The following RALYL variants were observed in gnomAD, a reference collection of about 807,000 sequenced individuals.
RALYL encodes the protein RALY RNA binding protein like, also known as RNA-binding Raly-like protein.
Under a neutral mutation model 35.1 loss-of-function variants are expected in RALYL, and 29 were observed. The observed-to-expected ratio is 0.83, with a 90% CI of 0.61 to 1.13. The LOEUF (loss-of-function observed/expected upper bound fraction) is 1.13, where lower values mean the gene tolerates loss of function less well. RALYL is among the 50% of genes most tolerant of loss of function. RALYL has a pLI of 0.00. For synonymous variants in RALYL, 120 were observed against 127.6 expected, an observed-to-expected ratio of 0.94 and a Z score of 0.40; for missense variants, 359 against 360.4, an observed-to-expected ratio of 1.00 and a Z score of 0.03.
intron 1 of RALYL, among the ~76,000 whole-genome samples, chr8:84,256,018 T>C (rs1017643477): frequency 6.6e-6 from 1 of 152,102 alleles, no homozygotes; most frequent in Non-Finnish European, 1.5e-5. Context: ...ATAATCTGGG[T>C]GATTGTAAAA....
intron 7 of RALYL, among the ~76,000 whole-genome samples, chr8:84,881,687 T>C (rs1362809248): frequency 6.6e-6 from 1 of 152,014 alleles, no homozygotes; most frequent in Non-Finnish European, 1.5e-5. Context: ...TCATGGTTTT[T>C]TAAAGCTTTA....
intron 2 of RALYL, among the ~76,000 whole-genome samples, chr8:84,536,270 A>C (rs904512825): frequency 3.9e-5 from 6 of 152,214 alleles, no homozygotes; most frequent in African/African-American, 1.4e-4. Context: ...AGTTAAGTGA[A>C]AAATACGGAG....
chr8:84,820,096 G>T (rs1374945755), intron 4 of RALYL, among the ~76,000 whole-genome samples: 1 of 152,096 alleles, frequency 6.6e-6, no homozygotes, highest in African/African-American at 2.4e-5. Context: ...ACTCAACCCA[G>T]TAACAATTTG....
At chr8:84,675,803 G>T (rs184104861) in intron 2 of RALYL, among the ~76,000 whole-genome samples, 39 of 152,192 alleles carry the variant, frequency 2.6e-4, no homozygotes, top group Non-Finnish European at 3.8e-4. Context: ...TTATTCAGGT[G>T]ATGGGTGCTC....
intron 2 of RALYL, among the ~76,000 whole-genome samples, chr8:84,754,481 T>C (rs1810897670): frequency 6.6e-6 from 1 of 152,196 alleles, no homozygotes; most frequent in Non-Finnish European, 1.5e-5. Context: ...TTCCTTTCAC[T>C]TCTCCAGGTA....
At chr8:84,344,190 CTA>C (rs1336507999) in intron 1 of RALYL, among the ~76,000 whole-genome samples, 1 of 151,804 alleles carries the variant, frequency 6.6e-6, no homozygotes, top group Non-Finnish European at 1.5e-5. Context: ...ACAGAGGAGA[CTA>C]TGATTAGGTA....
At chr8:84,712,369 C>T (rs1480369413) in intron 2 of RALYL, among the ~76,000 whole-genome samples, 1 of 152,154 alleles carries the variant, frequency 6.6e-6, no homozygotes, top group African/African-American at 2.4e-5. Context: ...GCATATTGGT[C>T]TGCCTCATAT....
chr8:84,512,821 A>G (rs533336705), intron 1 of RALYL, among the ~76,000 whole-genome samples: 1 of 152,286 alleles, frequency 6.6e-6, no homozygotes, highest in Non-Finnish European at 1.5e-5. Flanking sequence ...ACCTTTGTTG[A>G]AAGTCAATTG....
chr8:84,242,374 T>C (rs754006476), intron 1 of RALYL, among the ~76,000 whole-genome samples: 2 of 152,222 alleles, frequency 1.3e-5, no homozygotes, highest in Non-Finnish European at 2.9e-5. Context: ...AGAATTGCTG[T>C]GTCAGATTGG....
intron 2 of RALYL, among the ~76,000 whole-genome samples, chr8:84,553,728 A>C (rs1441300251): frequency 6.6e-6 from 1 of 152,152 alleles, no homozygotes; most frequent in Non-Finnish European, 1.5e-5. Context: ...AAAAGGAGTG[A>C]AAATTTATTA....
intron 2 of RALYL, among the ~76,000 whole-genome samples, chr8:84,740,595 C>T (rs1023713887): frequency 2.0e-5 from 3 of 151,968 alleles, no homozygotes; most frequent in Non-Finnish European, 4.4e-5. Flanking sequence ...GCTACACACA[C>T]AAAGTTGTTC....
intron 1 of RALYL, among the ~76,000 whole-genome samples, chr8:84,511,051 C>T (rs1163686192): frequency 6.6e-6 from 1 of 152,146 alleles, no homozygotes; most frequent in African/African-American, 2.4e-5. Flanking sequence ...ACGTTTTACC[C>T]TTTGATAAAC....
intron 5 of RALYL, among the ~76,000 whole-genome samples, chr8:84,851,256 T>G (rs934547040): frequency 6.6e-6 from 1 of 151,958 alleles, no homozygotes; most frequent in African/African-American, 2.4e-5. Flanking sequence ...CTTTGAAAGA[T>G]GGAATGTGAT....
At chr8:84,865,718 GA>G (rs1017831409) in intron 6 of RALYL, among the ~76,000 whole-genome samples, 12 of 150,888 alleles carry the variant, frequency 8.0e-5, no homozygotes, top group South Asian at 2.1e-4. Flanking sequence ...ATGCCCTCTG[GA>G]AAAAAAAATT....
At chr8:84,677,628 T>C (rs1376458672) in intron 2 of RALYL, among the ~76,000 whole-genome samples, 1 of 152,216 alleles carries the variant, frequency 6.6e-6, no homozygotes, top group Non-Finnish European at 1.5e-5. Flanking sequence ...TAAAGATTGC[T>C]TCTAAATAGA....
At chr8:84,458,330 A>G (rs1359981000) in intron 1 of RALYL, among the ~76,000 whole-genome samples, 2 of 151,832 alleles carry the variant, frequency 1.3e-5, no homozygotes, top group African/African-American at 2.4e-5. Flanking sequence ...TAAGTAAAAC[A>G]ATGAGGGCAT....
chr8:84,335,324 G>A (rs1434973239), intron 1 of RALYL, among the ~76,000 whole-genome samples: 2 of 152,116 alleles, frequency 1.3e-5, no homozygotes, highest in Non-Finnish European at 2.9e-5. Flanking sequence ...CCCAGATGAA[G>A]CTGTCTCAGT....
chr8:84,636,267 A>T (rs942819203), intron 2 of RALYL, among the ~76,000 whole-genome samples: 5 of 151,722 alleles, frequency 3.3e-5, no homozygotes, highest in African/African-American at 9.7e-5. Flanking sequence ...CTCTCCTAAA[A>T]TGTGGAATTT....
At chr8:84,324,412 T>C (rs375607289) in intron 1 of RALYL, among the ~76,000 whole-genome samples, 2 of 152,074 alleles carry the variant, frequency 1.3e-5, no homozygotes, top group African/African-American at 4.8e-5. Flanking sequence ...CCTTTTTAAA[T>C]CATTCCATGC....
Sources: allele counts gnomAD v4.1 joint callset (sites outside exome capture counted in the v4.1 genomes callset), GRCh38; gene constraint gnomAD v4.1.1; transcripts MANE v1.5; gene names NCBI Gene and HGNC (gene_info 2026-07-23, HGNC 2026-07-21).